Variants in WDR72 observed in about 807,000 individuals in gnomAD.
WDR72 encodes WD repeat-containing protein 72.
In WDR72, 120 loss-of-function variants were observed where a neutral mutation model predicts 124.2. The observed-to-expected ratio is 0.97, with a 90% CI of 0.83 to 1.12. The LOEUF is 1.12. WDR72 is among the 50% of genes most tolerant of loss of function. The probability of loss-of-function intolerance (pLI) is 0.00; values close to 1 mark genes in which losing one functional copy is unlikely to be tolerated. For synonymous variants in WDR72, 452 were observed against 441.7 expected, an observed-to-expected ratio of 1.02 and a Z score of -0.29; for missense variants, 1,387 against 1,278.8, an observed-to-expected ratio of 1.08 and a Z score of -1.29.
intron 13 of WDR72, 62 bp from the exon 14 acceptor site, chr15:53,665,830 G>T: frequency 6.7e-7 from 1 of 1,486,358 alleles, no homozygotes; most frequent in South Asian, 1.1e-5. Context: ...GAATAAGACA[G>T]AACAAACACT....
rs1384533938 is a variant in WDR72 at position 53,564,380 on chromosome 15, T to C, written c.3148+32699A>G. ...TGCTAAAATGCCTATCTAAAATTCC[T>C]AGCTGTGTGTTATGTTCTCATATCC... On this transcript the variant is annotated intron_variant, in intron 18 of 19. Transcript: ENST00000360509. Among the ~76,000 whole-genome samples, 7 of 151,928 alleles carry C rather than the reference T, an allele frequency of 4.6e-5. No homozygotes were observed. In the South Asian group the frequency reaches 1.2e-3, roughly 27 times the overall value.
At chr15:53,602,343 G>A (rs1253907311) in intron 17 of WDR72, among the ~76,000 whole-genome samples, 3 of 152,072 alleles carry the variant, frequency 2.0e-5, no homozygotes, top group Admixed American at 6.6e-5. Flanking sequence ...GTAGGGTTAA[G>A]AGAGTAATTT....
intron 2 of WDR72, among the ~76,000 whole-genome samples, chr15:53,725,372 C>T (rs976668007): frequency 6.6e-6 from 1 of 152,170 alleles, no homozygotes; most frequent in Non-Finnish European, 1.5e-5. Flanking sequence ...CAAAATAGGA[C>T]AGCCACTTTG....
chr15:53,683,248 G>T (rs1008624719), intron 13 of WDR72, among the ~76,000 whole-genome samples: 1 of 152,102 alleles, frequency 6.6e-6, no homozygotes, highest in Admixed American at 6.6e-5. Flanking sequence ...CACATACTTA[G>T]AAGGCGTAAG....
chr15:53,605,871 G>A (rs531709716), intron 17 of WDR72, among the ~76,000 whole-genome samples: 1 of 152,212 alleles, frequency 6.6e-6, no homozygotes, highest in East Asian at 1.9e-4. Flanking sequence ...TTGAGGATCG[G>A]TTATTGAAGC....
At chr15:53,679,712 T>C (rs1010776631) in intron 13 of WDR72, among the ~76,000 whole-genome samples, 1 of 152,104 alleles carries the variant, frequency 6.6e-6, no homozygotes, top group African/African-American at 2.4e-5. Context: ...GGCAAAGATA[T>C]AGAGTGGAGA....
intron 18 of WDR72, among the ~76,000 whole-genome samples, chr15:53,566,375 G>A (rs1270884282): frequency 6.6e-6 from 1 of 152,002 alleles, no homozygotes; most frequent in Non-Finnish European, 1.5e-5. Context: ...AGAACTGACA[G>A]AATTTGGTAA....
chr15:53,640,913 A>G (rs183817081), intron 14 of WDR72, among the ~76,000 whole-genome samples: 2 of 129,312 alleles, frequency 1.5e-5, no homozygotes, highest in Non-Finnish European at 3.7e-5. Context: ...TGAATATTAC[A>G]AAGATTTTTT....
rs529053264 is a variant in WDR72, at chr15:53,706,062, G to C, written c.967C>G (p.Pro323Ala). Residue 323 changes from proline to alanine, a missense_variant, in exon 10 of 20, where the codon CCC becomes GCC. By Grantham distance (27) the Pro-to-Ala change is conservative. Transcript: ENST00000360509. ...TCATTCATGTAGCCCATAACAAAGG[G>C]ACGGCTCTGTTCCTAAACAAAAAGT... is the stretch of plus-strand genomic sequence containing the variant. ...SVQENKEQSR[P>A]FVMGYMNERK... 2.0e-5 allele frequency: 33 copies of C among 1,613,932 alleles called. No homozygotes were observed. In the East Asian group the frequency reaches 6.9e-4, roughly 34 times the overall value.
rs932071074 is a variant in WDR72 at position 53,602,633 on chromosome 15, A to G, written c.2953-5359T>C. Among the ~76,000 whole-genome samples, 5 of 152,122 alleles carry G rather than the reference A, an allele frequency of 3.3e-5. No individual in the cohort carries two copies. The East Asian group carries it at 5.8e-4, about 18-fold the overall frequency. ...AAAGAGAGAAGATTCAAATAACACA[A>G]TCAGAGATGATAAGGGGGATATTAC... On this transcript the variant is annotated intron_variant, in intron 17 of 19. Coordinates refer to ENST00000360509, the MANE Select transcript of WDR72 (RefSeq NM_182758.4).
intron 18 of WDR72, among the ~76,000 whole-genome samples, chr15:53,582,159 CCTTTTATA>C (rs776425896): frequency 1.3e-5 from 2 of 151,882 alleles, no homozygotes; most frequent in Non-Finnish European, 2.9e-5. Flanking sequence ...TTTTGTAGTA[CCTTTTATA>C]CTTGTGATTT....
chr15:53,738,419 T>C (rs751825907), intron 1 of WDR72, among the ~76,000 whole-genome samples: 7 of 152,088 alleles, frequency 4.6e-5, no homozygotes, highest in East Asian at 1.9e-4. Context: ...AGGAAATCTA[T>C]GGCAAGTTTG....
intron 18 of WDR72, among the ~76,000 whole-genome samples, chr15:53,591,466 G>T (rs1416591344): frequency 3.3e-5 from 5 of 151,950 alleles, no homozygotes; most frequent in Non-Finnish European, 5.9e-5. Context: ...TAGCTTCCTA[G>T]CTCAATCCAC....
intron 17 of WDR72, among the ~76,000 whole-genome samples, chr15:53,604,503 C>T (rs1393299301): frequency 6.6e-6 from 1 of 152,152 alleles, no homozygotes; most frequent in Non-Finnish European, 1.5e-5. Flanking sequence ...AACTAAAGAG[C>T]TTCTGCACAG....
At chr15:53,553,532 G>T (rs1055396597) in intron 18 of WDR72, among the ~76,000 whole-genome samples, 35 of 152,128 alleles carry the variant, frequency 2.3e-4, no homozygotes, top group African/African-American at 8.2e-4. Flanking sequence ...CTATTTAGTT[G>T]TTGAATTGAG....
intron 1 of WDR72, among the ~76,000 whole-genome samples, chr15:53,750,750 CAT>C (rs2018754840): frequency 6.6e-6 from 1 of 152,138 alleles, no homozygotes; most frequent in Admixed American, 6.5e-5. Context: ...TTCCAACCCT[CAT>C]AGATGACTTG....
intron 14 of WDR72, among the ~76,000 whole-genome samples, chr15:53,632,904 C>A (rs1170160374): frequency 6.6e-6 from 1 of 152,170 alleles, no homozygotes; most frequent in Non-Finnish European, 1.5e-5. Context: ...AAGTAACTAA[C>A]ATGTTTTTGA....
At chr15:53,525,698 T>C (rs1892075254) in intron 18 of WDR72, among the ~76,000 whole-genome samples, 1 of 151,982 alleles carries the variant, frequency 6.6e-6, no homozygotes, top group South Asian at 2.1e-4. Context: ...CTCACACTAG[T>C]AGGTACCATG....
At chr15:53,626,509 G>A (rs1440051490) in intron 14 of WDR72, among the ~76,000 whole-genome samples, 2 of 152,200 alleles carry the variant, frequency 1.3e-5, no homozygotes, top group Non-Finnish European at 2.9e-5. Context: ...AGCTCCAGCC[G>A]TAACAAACAC....
Sources: allele counts gnomAD v4.1 joint callset (sites outside exome capture counted in the v4.1 genomes callset), GRCh38; gene constraint gnomAD v4.1.1; transcripts MANE v1.5; gene names NCBI Gene and HGNC (gene_info 2026-07-23, HGNC 2026-07-21).